Variants in TRAM2 observed in about 807,000 individuals in gnomAD.
TRAM2 encodes translocating chain-associated membrane protein 2.
TRAM2 carries 12 observed loss-of-function variants against 51.0 expected under a neutral mutation model. The ratio of observed to expected loss-of-function variants is 0.24; its 90% CI spans 0.15 to 0.38. The LOEUF (loss-of-function observed/expected upper bound fraction) is 0.38, where lower values mean the gene tolerates loss of function less well. TRAM2 is among the 10% of genes least tolerant of loss of function. The pLI is 1.00. For synonymous variants in TRAM2, 175 were observed against 179.4 expected (o/e 0.98, Z 0.20); for missense variants, 361 against 462.0 (o/e 0.78, Z 2.00).
At chr6:52,547,816 A>C (rs1767233539) in intron 1 of TRAM2, among the ~76,000 whole-genome samples, 1 of 152,222 alleles carries the variant, frequency 6.6e-6, no homozygotes, top group African/African-American at 2.4e-5. Context: ...GGACTGACAG[A>C]GTTCAGAATC....
chr6:52,533,620 T>A (rs908406329), intron 2 of TRAM2, among the ~76,000 whole-genome samples: 11 of 152,214 alleles, frequency 7.2e-5, no homozygotes, highest in African/African-American at 2.7e-4. Context: ...CATGGCTTCC[T>A]TCCAAGCCTG....
At chr6:52,569,388 T>TAAAAAAAA (rs11331630) in intron 1 of TRAM2, among the ~76,000 whole-genome samples, 1 of 136,122 alleles carries the variant, frequency 7.3e-6, no homozygotes. Flanking sequence ...AGACTCCATT[T>TAAAAAAAA]AAAAAAAAAA....
intron 1 of TRAM2, among the ~76,000 whole-genome samples, chr6:52,569,441 T>C (rs150572440): frequency 4.0e-4 from 60 of 150,406 alleles, no homozygotes; most frequent in Middle Eastern, 3.5e-3. Context: ...CCACCAAATC[T>C]ATGGCATTTT....
rs558653246 is a variant in TRAM2 at position 52,576,872 on chromosome 6, T to G, written c.44A>C (p.Gln15Pro). The G allele has an allele frequency of 1.2e-6, 2 of 1,613,714 alleles. No homozygotes were observed. Among genetic ancestry groups the G allele is most frequent in the East Asian group, 2.2e-5 (1 of 44,832 alleles). The change falls in exon 1 of 11, where the codon CAG becomes CCG. Residue 15 changes from glutamine (Q) to proline (P), a missense_variant. Coordinates refer to ENST00000182527, the MANE Select transcript of TRAM2 (RefSeq NM_012288.4). ...CGCATGGTTGTGGATGACGAACTCC[T>G]GGCTGAAGAGCGGGTAACTTTTCGT... is the stretch of plus-strand genomic sequence containing the variant. ...RRTKSYPLFS[Q>P]EFVIHNHADI...
At chr6:52,531,004 C>A (rs1174690899) in intron 2 of TRAM2, among the ~76,000 whole-genome samples, 1 of 151,288 alleles carries the variant, frequency 6.6e-6, no homozygotes, top group Non-Finnish European at 1.5e-5. Flanking sequence ...ATGATGGACC[C>A]CCTTGTATGA....
chr6:52,570,510 G>T (rs1767658309), intron 1 of TRAM2, among the ~76,000 whole-genome samples: 1 of 152,154 alleles, frequency 6.6e-6, no homozygotes, highest in African/African-American at 2.4e-5. Context: ...TCTTATTTTG[G>T]CTCCGACTCT....
At position 52,499,008 on chromosome 6, in the gene TRAM2, A is replaced by G. The variant is rs1454314133; in HGVS notation, c.*4189T>C. ...CTCGTCTTTATAGCTCTGCCACTCC[A>G]GGGAACTCCATAAAAGAATGAGGCA... is the stretch of plus-strand genomic sequence containing the variant. On this transcript the variant is annotated 3_prime_UTR_variant, in exon 11 of 11. Transcript: ENST00000182527. 6.6e-6 allele frequency: 1 copy of G among 152,470 alleles called. No individual in the cohort carries two copies. The highest frequency in any genetic ancestry group is 1.5e-5 in the Non-Finnish European group (1 of 68,068). The allele number at this position is 152,470 out of a possible 1,614,324, so 9.4% of individuals were successfully genotyped here.
At chr6:52,543,419 A>G (rs893427350) in intron 1 of TRAM2, among the ~76,000 whole-genome samples, 2 of 152,252 alleles carry the variant, frequency 1.3e-5, no homozygotes, top group African/African-American at 2.4e-5. Context: ...GGCAGAGTTC[A>G]TATTACTGGT....
At chr6:52,504,176 G>A (rs1160115672) in intron 10 of TRAM2, among the ~76,000 whole-genome samples, 1 of 152,232 alleles carries the variant, frequency 6.6e-6, no homozygotes, top group Non-Finnish European at 1.5e-5. Context: ...GAGCCAGCAA[G>A]CTGGGAGGCA....
At chr6:52,515,393 C>T (rs780158125) in intron 4 of TRAM2, among the ~76,000 whole-genome samples, 2 of 152,170 alleles carry the variant, frequency 1.3e-5, no homozygotes, top group South Asian at 4.1e-4. Context: ...AGTCTGTTTA[C>T]ATAGAAAGGA....
At chr6:52,520,013 C>A (rs1053653662) in intron 2 of TRAM2, among the ~76,000 whole-genome samples, 1 of 152,108 alleles carries the variant, frequency 6.6e-6, no homozygotes, top group African/African-American at 2.4e-5. Context: ...TGGGAAGGTG[C>A]TATTTAATGG....
At chr6:52,571,263 T>C (rs1767675883) in intron 1 of TRAM2, among the ~76,000 whole-genome samples, 1 of 152,188 alleles carries the variant, frequency 6.6e-6, no homozygotes, top group Non-Finnish European at 1.5e-5. Context: ...TTGCCATTTA[T>C]AAGGGTAGGA....
rs1347870737 is a variant in TRAM2 at position 52,502,115 on chromosome 6, T to A, written c.*1082A>T. On this transcript the variant is annotated 3_prime_UTR_variant, in exon 11 of 11. Transcript: ENST00000182527. Reference sequence around the variant, plus strand: ...AGATGAACAGCGGTCCAAGTGACCCTCCCTGAACACCAAGGGACCAGCATG... The same window carrying A: ...AGATGAACAGCGGTCCAAGTGACCCACCCTGAACACCAAGGGACCAGCATG... 6.6e-6 allele frequency: 1 copy of A among 152,274 alleles called. No homozygotes were observed. The highest frequency in any genetic ancestry group is 1.9e-4 in the East Asian group (1 of 5,196). The allele number at this position is 152,274 out of a possible 1,614,324, so 9.4% of individuals were successfully genotyped here. A position where few individuals can be genotyped will look rare whatever the true frequency, so the allele number is the denominator to read the frequency against.
At chr6:52,548,447 C>A (rs1401949134) in intron 1 of TRAM2, among the ~76,000 whole-genome samples, 1 of 152,192 alleles carries the variant, frequency 6.6e-6, no homozygotes, top group Non-Finnish European at 1.5e-5. Flanking sequence ...ACAGGATTAC[C>A]TCATCTAACC....
intron 1 of TRAM2, among the ~76,000 whole-genome samples, chr6:52,546,108 C>T (rs1034990486): frequency 3.9e-5 from 6 of 152,250 alleles, no homozygotes; most frequent in South Asian, 2.1e-4. Flanking sequence ...TCACCAGCAA[C>T]GTTCTACCTG....
In TRAM2 at chr6:52,519,870, A is replaced by C. The variant is rs147816873; in HGVS notation, c.185-3133T>G. Among the ~76,000 whole-genome samples, 654 of 152,294 alleles carry C rather than the reference A, an allele frequency of 4.3e-3. 4 individuals carry two copies. Among genetic ancestry groups the C allele is most frequent in the African/African-American group, 0.015 (613 of 41,562 alleles). On this transcript the variant is annotated intron_variant, in intron 2 of 10. Transcript: ENST00000182527. ...AACATGGGTGGACCTCGAGGACATTAGACTAAGTTGAATAAGTCAGTCACA... is the reference window on the plus strand; with the variant it reads ...AACATGGGTGGACCTCGAGGACATTCGACTAAGTTGAATAAGTCAGTCACA...
intron 1 of TRAM2, among the ~76,000 whole-genome samples, chr6:52,542,261 G>GTTT (rs139806290): frequency 3.3e-5 from 3 of 89,592 alleles, no homozygotes; most frequent in African/African-American, 8.1e-5. Context: ...GAGATTTTTG[G>GTTT]GTTTTTTTTT....
chr6:52,566,133 T>C (rs1282303289), intron 1 of TRAM2, among the ~76,000 whole-genome samples: 2 of 152,128 alleles, frequency 1.3e-5, no homozygotes, highest in Non-Finnish European at 2.9e-5. Context: ...ACGAAGGCAA[T>C]GCAAGAAGGT....
intron 1 of TRAM2, among the ~76,000 whole-genome samples, chr6:52,541,880 C>T (rs1158893845): frequency 2.0e-5 from 3 of 149,568 alleles, no homozygotes; most frequent in Admixed American, 1.3e-4. Context: ...CCCCCGGGGG[C>T]AGACAGGGTA....
Sources: gnomAD v4.1 joint callset for allele counts (sites outside exome capture counted in the v4.1 genomes callset) on GRCh38, gnomAD v4.1.1 for gene constraint, MANE v1.5 for transcripts, NCBI Gene and HGNC (gene_info 2026-07-23, HGNC 2026-07-21) for gene names.